The following KIAA1549L variants were observed in gnomAD, a reference collection of about 807,000 sequenced individuals.
KIAA1549L encodes UPF0606 protein KIAA1549L.
A neutral mutation model predicts 160.7 loss-of-function variants in KIAA1549L; 88 were observed. That is an observed-to-expected ratio of 0.55 (90% confidence interval 0.46 to 0.65). The LOEUF is 0.65. Ranked by LOEUF, KIAA1549L falls within the 30% of genes least tolerant of loss-of-function variation. KIAA1549L has a pLI of 0.00. For missense variants in KIAA1549L, 2,258 were observed against 2,437.5 expected, an observed-to-expected ratio of 0.93 and a Z score of 1.55; for synonymous variants, 950 against 976.7, an observed-to-expected ratio of 0.97 and a Z score of 0.51.
intron 1 of KIAA1549L, among the ~76,000 whole-genome samples, chr11:33,446,295 A>G (rs1471949310): frequency 2.0e-5 from 3 of 152,020 alleles, no homozygotes; most frequent in African/African-American, 4.8e-5. Context: ...GGGTTTCACC[A>G]TGTTGGCCAG....
At position 33,542,161 on chromosome 11, in the gene KIAA1549L, A is replaced by C. The variant is rs1234939611; in HGVS notation, c.598A>C (p.Ser200Arg). ...CGATGTGTCAGGTTTGCCTCTCACC[A>C]GCATGCTCCCCTCGTTGTCCACAGT... is the stretch of plus-strand genomic sequence containing the variant. ...AADVSGLPLTSMLPSLSTVPS... is the reference protein window; with the variant it reads ...AADVSGLPLTRMLPSLSTVPS... The change falls in exon 2 of 21, where the codon AGC becomes CGC. Residue 200 changes from serine to arginine, a missense_variant. By Grantham distance (110) the Ser-to-Arg change is moderately radical (BLOSUM62 -1). This residue lies in a region of KIAA1549L where 540 missense variants were observed against 465.7 expected (regional missense o/e 1.16). Transcript: ENST00000658780. 2 of 595,880 alleles carry C rather than the reference A, an allele frequency of 3.4e-6. No individual in the cohort carries two copies. Among genetic ancestry groups the C allele is most frequent in the Non-Finnish European group, 6.3e-6 (2 of 316,254 alleles). The allele number at this position is 595,880 out of a possible 1,614,324, so 36.9% of individuals were successfully genotyped here.
At chr11:33,383,249 C>T (rs138728943) in intron 1 of KIAA1549L, among the ~76,000 whole-genome samples, 1 of 151,552 alleles carries the variant, frequency 6.6e-6, no homozygotes, top group Non-Finnish European at 1.5e-5. Flanking sequence ...AACCTTCAAG[C>T]CCATATTGTG....
chr11:33,483,410 C>T (rs1852454567), intron 1 of KIAA1549L, among the ~76,000 whole-genome samples: 1 of 152,028 alleles, frequency 6.6e-6, no homozygotes, highest in Non-Finnish European at 1.5e-5. Flanking sequence ...GGTACATTCA[C>T]CTAGAGACCT....
chr11:33,598,928 G>A lies in KIAA1549L; in HGVS notation c.4860G>A (p.Glu1620=), dbSNP rs376326605. The A allele has an allele frequency of 1.2e-6, 2 of 1,613,646 alleles. No individual in the cohort carries two copies. Among genetic ancestry groups the A allele is most frequent in the Non-Finnish European group, 1.7e-6 (2 of 1,179,766 alleles). Residue 1620 remains glutamate (E), a synonymous_variant, in exon 13 of 21, where the codon GAG becomes GAA. Transcript: ENST00000658780. ...TGGCACAGCAGAAAGTGACAAAGGA[G>A]GAGGCAAGGAAGAGAAATGGTGAGA... ...NVMAQQKVTK[E]EARKRNVPAS... is the part of the protein sequence containing the mutation.
chr11:33,493,355 A>G lies in KIAA1549L; in HGVS notation c.239-48447A>G, dbSNP rs545003709. 3.3e-4 allele frequency among the ~76,000 whole-genome samples: 51 copies of G among 152,300 alleles called. 2 individuals carry two copies. In the South Asian group the frequency reaches 1.0e-2, roughly 30 times the overall value. On this transcript the variant is annotated intron_variant, in intron 1 of 20. Transcript: ENST00000658780. The stretch of plus-strand genomic sequence containing the variant: ...ATGATGCAGCACAAAGGCCCTCACC[A>G]GATGCTGGCACCTTGATCTTGGACT...
At chr11:33,658,703 G>C in intron 18 of KIAA1549L, 47 bp from the exon 19 acceptor site, 1 of 1,550,050 alleles carries the variant, frequency 6.5e-7, no homozygotes, top group Non-Finnish European at 8.7e-7. Flanking sequence ...TCGGGACGCC[G>C]CCTGAGGTCT....
intron 10 of KIAA1549L, among the ~76,000 whole-genome samples, chr11:33,577,384 G>T (rs1855486001): frequency 6.6e-6 from 1 of 152,190 alleles, no homozygotes; most frequent in Non-Finnish European, 1.5e-5. Flanking sequence ...TTGAATTGGT[G>T]TGTGTTTGAA....
chr11:33,612,314 G>GTA (rs1471522123), intron 15 of KIAA1549L, among the ~76,000 whole-genome samples: 2 of 152,252 alleles, frequency 1.3e-5, no homozygotes, highest in African/African-American at 4.8e-5. Flanking sequence ...ACTGTTCACA[G>GTA]TATAACCCTC....
chr11:33,397,756 A>AC (rs1565119480), intron 1 of KIAA1549L, among the ~76,000 whole-genome samples: 3 of 146,214 alleles, frequency 2.1e-5, no homozygotes, highest in East Asian at 4.0e-4. Flanking sequence ...ACACACACAC[A>AC]AAAGTGAAAA....
chr11:33,442,291 G>T (rs1041216631), intron 1 of KIAA1549L, among the ~76,000 whole-genome samples: 7 of 152,048 alleles, frequency 4.6e-5, no homozygotes, highest in African/African-American at 1.2e-4. Flanking sequence ...TCTCTGTTTT[G>T]GTACCAGTAC....
chr11:33,508,480 G>A lies in KIAA1549L; in HGVS notation c.239-33322G>A, dbSNP rs142178718. Among the ~76,000 whole-genome samples, 18 of 152,336 alleles carry A rather than the reference G, an allele frequency of 1.2e-4. No homozygotes were observed. In the East Asian group the frequency reaches 2.9e-3, roughly 24 times the overall value. On this transcript the variant is annotated intron_variant, in intron 1 of 20. Transcript: ENST00000658780. ...GCTCTTTACAGGCAAAAGAGGAAAGGTGAAAATGAATGGCTGCTGGTGTAA... is the reference window on the plus strand; with the variant it reads ...GCTCTTTACAGGCAAAAGAGGAAAGATGAAAATGAATGGCTGCTGGTGTAA...
intron 15 of KIAA1549L, among the ~76,000 whole-genome samples, chr11:33,611,995 G>A (rs942437730): frequency 2.0e-5 from 3 of 152,190 alleles, no homozygotes; most frequent in Non-Finnish European, 2.9e-5. Context: ...CTAATGCCAC[G>A]TGTATTGTAG....
chr11:33,630,465 C>T (rs1215267950), intron 16 of KIAA1549L, among the ~76,000 whole-genome samples: 5 of 152,238 alleles, frequency 3.3e-5, no homozygotes, highest in African/African-American at 4.8e-5. Flanking sequence ...GAGCCAGGTG[C>T]GGGATATAAT....
In KIAA1549L at chr11:33,435,848, G is replaced by A. The variant is rs987661666; in HGVS notation, c.238+58959G>A. On this transcript the variant is annotated intron_variant, in intron 1 of 20. Transcript: ENST00000658780. The stretch of plus-strand genomic sequence containing the variant: ...TATATATATGTATATGTATATGTGT[G>A]TGTGTGTGTGTGTGTATAAAATATT... Among the ~76,000 whole-genome samples the A allele has an allele frequency of 8.2e-3, 476 of 57,712 alleles. 40 individuals are homozygous for A. The highest frequency in any genetic ancestry group is 0.025 in the Middle Eastern group (2 of 80). The allele number at this position is 57,712 out of a possible 152,430, so 37.9% of individuals were successfully genotyped here.
intron 1 of KIAA1549L, among the ~76,000 whole-genome samples, chr11:33,527,136 G>C (rs1853631962): frequency 6.6e-6 from 1 of 152,018 alleles, no homozygotes. Context: ...AATGAACAAA[G>C]CCTCCAAGAA....
chr11:33,640,129 C>T (rs750433116), intron 16 of KIAA1549L, among the ~76,000 whole-genome samples: 11 of 151,764 alleles, frequency 7.2e-5, no homozygotes, highest in Non-Finnish European at 1.5e-4. Context: ...TGTGTGTTTA[C>T]ATATATATAA....
intron 1 of KIAA1549L, among the ~76,000 whole-genome samples, chr11:33,465,771 C>T (rs959917670): frequency 3.3e-5 from 5 of 152,100 alleles, no homozygotes; most frequent in African/African-American, 9.6e-5. Context: ...TAGATTGTGC[C>T]GGGAAAACTG....
intron 20 of KIAA1549L, among the ~76,000 whole-genome samples, 198 bp from the exon 21 acceptor site, chr11:33,667,675 T>A (rs1001477853): frequency 6.6e-6 from 1 of 152,240 alleles, no homozygotes; most frequent in Admixed American, 6.5e-5. Flanking sequence ...ATTACAGGCG[T>A]GAGCCACCGA....
chr11:33,598,675 T>G (rs1385166177), intron 12 of KIAA1549L, 145 bp from the exon 13 acceptor site: 4 of 1,046,298 alleles, frequency 3.8e-6, no homozygotes, highest in Non-Finnish European at 5.4e-6. Context: ...GGTTTTGTTT[T>G]TTTCTTTTTC....
Sources: gnomAD v4.1 joint callset for allele counts (sites outside exome capture counted in the v4.1 genomes callset) on GRCh38, gnomAD v4.1.1 for gene constraint, gnomAD v4.1.1 regional missense constraint, MANE v1.5 for transcripts, NCBI Gene and HGNC (gene_info 2026-07-23, HGNC 2026-07-21) for gene names.